RBM33: variants seen among roughly 807,000 people sequenced by gnomAD.
RBM33 encodes RNA-binding protein 33.
A neutral mutation model predicts 132.6 loss-of-function variants in RBM33; 28 were observed. The observed-to-expected ratio is 0.21, with a 90% CI of 0.16 to 0.29. The LOEUF (loss-of-function observed/expected upper bound fraction) is 0.29, where lower values mean the gene tolerates loss of function less well. RBM33 is among the 10% of genes least tolerant of loss of function. The pLI is 1.00. For missense variants in RBM33, 1,291 were observed against 1,518.5 expected (o/e 0.85, Z 2.49); for synonymous variants, 634 against 593.0 (o/e 1.07, Z -1.01).
In RBM33 at chr7:155,771,089, G is replaced by T. The variant is rs572338437; in HGVS notation, c.3376-3470G>T. Among the ~76,000 whole-genome samples the T allele has an allele frequency of 2.6e-5, 4 of 152,296 alleles. No individual in the cohort carries two copies. In the South Asian group the frequency reaches 8.3e-4, roughly 32 times the overall value. ...CCTCTCCCTGCCAGTACGTTATGTGGGGGCTGGGGGTGAAGAAGGAGGTCC... is the reference window on the plus strand; with the variant it reads ...CCTCTCCCTGCCAGTACGTTATGTGTGGGCTGGGGGTGAAGAAGGAGGTCC... On this transcript the variant is annotated intron_variant, in intron 16 of 17. Coordinates refer to ENST00000401878, the MANE Select transcript of RBM33 (RefSeq NM_053043.3).
At chr7:155,657,912 C>A (rs920032030) in intron 1 of RBM33, among the ~76,000 whole-genome samples, 2 of 152,178 alleles carry the variant, frequency 1.3e-5, no homozygotes, top group Non-Finnish European at 2.9e-5. Flanking sequence ...ACAGTGCATC[C>A]TCTACATTTA....
At chr7:155,673,940 G>GTTGTTGTTTGTTTTTGTTTTTTTTT in intron 3 of RBM33, among the ~76,000 whole-genome samples, 11 of 54,196 alleles carry the variant, frequency 2.0e-4, no homozygotes, top group South Asian at 7.2e-4. Flanking sequence ...TTTAGGCTTA[G>GTTGTTGTTTGTTTTTGTTTTTTTTT]TTTTTTTTTT....
At chr7:155,651,088 G>T (rs1433523929) in intron 1 of RBM33, among the ~76,000 whole-genome samples, 2 of 152,132 alleles carry the variant, frequency 1.3e-5, no homozygotes, top group African/African-American at 2.4e-5. Context: ...ACGTTGGCCA[G>T]GCTGGTCTGG....
chr7:155,673,866 ATAC>A (rs1284883546), intron 3 of RBM33, among the ~76,000 whole-genome samples: 1 of 149,670 alleles, frequency 6.7e-6, no homozygotes, highest in Admixed American at 6.7e-5. Flanking sequence ...AGAAAGTGAA[ATAC>A]TACATTTTTT....
At chr7:155,669,649 G>T (rs1444665532) in intron 2 of RBM33, among the ~76,000 whole-genome samples, 1 of 152,180 alleles carries the variant, frequency 6.6e-6, no homozygotes, top group African/African-American at 2.4e-5. Flanking sequence ...ATCATGCCTG[G>T]CCCAAAAAGT....
In RBM33 at chr7:155,734,393, A is replaced by T. The variant is rs118141365; in HGVS notation, c.1261-3137A>T. ...TTGTGGTTGATCTTGACTCAGTTAC[A>T]TGAAGAGAGCTATCATAACCACACT... On this transcript the variant is annotated intron_variant, in intron 9 of 17. Coordinates refer to ENST00000401878, the MANE Select transcript of RBM33 (RefSeq NM_053043.3). 8.6e-3 allele frequency among the ~76,000 whole-genome samples: 1,316 copies of T among 152,336 alleles called. 11 individuals carry two copies. The highest frequency in any genetic ancestry group is 0.014 in the Non-Finnish European group (942 of 68,022).
intron 1 of RBM33, among the ~76,000 whole-genome samples, chr7:155,653,323 G>T (rs1393639298): frequency 1.3e-5 from 2 of 152,102 alleles, no homozygotes; most frequent in East Asian, 3.9e-4. Context: ...TCTAAATAAG[G>T]CCACATTCTG....
intron 5 of RBM33, among the ~76,000 whole-genome samples, chr7:155,696,420 CTTTT>C (rs1799796096): frequency 6.6e-6 from 1 of 152,100 alleles, no homozygotes; most frequent in Non-Finnish European, 1.5e-5. Flanking sequence ...TTCTTTCTTT[CTTTT>C]GTATCATTGA....
chr7:155,673,798 A>ACACACACACACACC (rs1297448595), intron 3 of RBM33, among the ~76,000 whole-genome samples: 6 of 144,002 alleles, frequency 4.2e-5, no homozygotes, highest in Admixed American at 1.4e-4. Flanking sequence ...ACACACACAC[A>ACACACACACACACC]CACCCCTACC....
intron 3 of RBM33, among the ~76,000 whole-genome samples, chr7:155,674,717 T>A (rs929227681): frequency 6.6e-6 from 1 of 152,186 alleles, no homozygotes; most frequent in Non-Finnish European, 1.5e-5. Flanking sequence ...CTGATTGTTG[T>A]AAGTTGCTCA....
intron 2 of RBM33, among the ~76,000 whole-genome samples, chr7:155,669,586 C>A (rs1435452556): frequency 6.6e-6 from 1 of 152,208 alleles, no homozygotes; most frequent in Non-Finnish European, 1.5e-5. Flanking sequence ...CTCCTGGTCT[C>A]AGGTGATCCA....
intron 3 of RBM33, among the ~76,000 whole-genome samples, chr7:155,677,085 A>G (rs900231642): frequency 2.0e-5 from 3 of 152,182 alleles, no homozygotes; most frequent in African/African-American, 7.2e-5. Flanking sequence ...TTGGACAGCC[A>G]AACTGAGGTT....
intron 9 of RBM33, among the ~76,000 whole-genome samples, chr7:155,728,410 G>A (rs1321174826): frequency 2.6e-5 from 4 of 152,070 alleles, no homozygotes; most frequent in East Asian, 3.9e-4. Context: ...TGCCTGTAGC[G>A]TGTACATACT....
At chr7:155,742,211 C>T in intron 13 of RBM33, 105 bp downstream of exon 13, 1 of 1,122,218 alleles carries the variant, frequency 8.9e-7, no homozygotes, top group Non-Finnish European at 1.2e-6. Context: ...AAAATCTTCC[C>T]ACTTTTTTCA....
At chr7:155,678,446 T>C (rs1268997515) in intron 3 of RBM33, among the ~76,000 whole-genome samples, 162 bp from the exon 4 acceptor site, 1 of 152,226 alleles carries the variant, frequency 6.6e-6, no homozygotes, top group Non-Finnish European at 1.5e-5. Context: ...CCACATGCCT[T>C]GTGTGGGATT....
chr7:155,665,558 G>C (rs1798779132), intron 2 of RBM33, among the ~76,000 whole-genome samples: 1 of 152,242 alleles, frequency 6.6e-6, no homozygotes, highest in African/African-American at 2.4e-5. Flanking sequence ...GAGTGGCCTT[G>C]TGCCAGAGTT....
chr7:155,693,657 T>C (rs1028187137), intron 5 of RBM33, among the ~76,000 whole-genome samples: 3 of 152,146 alleles, frequency 2.0e-5, no homozygotes, highest in African/African-American at 7.2e-5. Flanking sequence ...CTCTTGATCT[T>C]AGGACTTTCA....
At position 155,760,295 on chromosome 7, in the gene RBM33, G is replaced by A. The variant is rs772536340; in HGVS notation, c.2980-3517G>A. The stretch of plus-strand genomic sequence containing the variant: ...AGCTACCAGGGAGCTGATTTAGATT[G>A]CTTAAGTTCATACGATGGAAGTCCT... On this transcript the variant is annotated intron_variant, in intron 14 of 17. Coordinates refer to ENST00000401878, the MANE Select transcript of RBM33 (RefSeq NM_053043.3). Among the ~76,000 whole-genome samples, 20 of 152,168 alleles carry A rather than the reference G, an allele frequency of 1.3e-4. 1 individual carries two copies. Among genetic ancestry groups the A allele is most frequent in the Non-Finnish European group, 2.4e-4 (16 of 68,030 alleles).
chr7:155,779,862 C>G lies in RBM33; in HGVS notation c.*4821C>G, dbSNP rs982196690. On this transcript the variant is annotated 3_prime_UTR_variant, in exon 18 of 18. Transcript: ENST00000401878. ...GACACTTCTGAGTACTTGCTTTTTC[C>G]TTTGACTTCTAACCAACTAAAAGAG... 6.6e-6 allele frequency: 1 copy of G among 152,100 alleles called. No individual in the cohort carries two copies. Among genetic ancestry groups the G allele is most frequent in the Non-Finnish European group, 1.5e-5 (1 of 68,018 alleles). 9.4% of individuals were successfully genotyped at this position (152,100 alleles called of 1,614,324 possible).
Sources: gnomAD v4.1 joint callset for allele counts (sites outside exome capture counted in the v4.1 genomes callset) on GRCh38, gnomAD v4.1.1 for gene constraint, MANE v1.5 for transcripts, NCBI Gene and HGNC (gene_info 2026-07-23, HGNC 2026-07-21) for gene names.